The following PRSS36 variants were observed in gnomAD, a reference collection of about 807,000 sequenced individuals.
PRSS36 encodes the protein serine protease 36.
PRSS36 carries 90 observed loss-of-function variants against 94.3 expected under a neutral mutation model. That is an observed-to-expected ratio of 0.95 (90% confidence interval 0.80 to 1.14). The LOEUF (loss-of-function observed/expected upper bound fraction) is 1.14. Among genes scored for constraint, PRSS36 ranks in the 50% most tolerant of loss-of-function variants. The pLI is 0.00. For synonymous variants in PRSS36, 500 were observed against 489.6 expected, an observed-to-expected ratio of 1.02 and a Z score of -0.28; for missense variants, 1,158 against 1,135.0, an observed-to-expected ratio of 1.02 and a Z score of -0.29.
At position 31,148,493 on chromosome 16, in the gene PRSS36, C is replaced by T; in HGVS notation, c.455G>A (p.Gly152Asp). 1 of 1,578,958 alleles carries T rather than the reference C, an allele frequency of 6.3e-7. No individual in the cohort carries two copies. Among genetic ancestry groups the T allele is most frequent in the Non-Finnish European group, 8.6e-7 (1 of 1,167,866 alleles). The change falls in exon 5 of 15, where the codon GGC becomes GAC. Residue 152 changes from glycine (G) to aspartate (D), a missense_variant. Coordinates refer to ENST00000268281, the MANE Select transcript of PRSS36 (RefSeq NM_173502.5). ...CAGGCAGACAGGCCACACGGCGGGG[C>T]CCAGGCTGGCGGGTGAGGCCAGGCG... ...LLRLASPASL[G>D]PAVWPVCLPR... is the part of the protein sequence containing the mutation.
chr16:31,140,207 A>C, intron 14 of PRSS36, 87 bp downstream of exon 14: 2 of 1,427,454 alleles, frequency 1.4e-6, no homozygotes, highest in Non-Finnish European at 1.9e-6. Context: ...AAAAAAAAAA[A>C]AAATTCCAAT....
chr16:31,142,968 G>A lies in PRSS36; in HGVS notation c.1126C>T (p.Arg376Cys), dbSNP rs2057736606. 2.1e-6 allele frequency: 3 copies of A among 1,421,282 alleles called. No homozygotes were observed. Among genetic ancestry groups the A allele is most frequent in the African/African-American group, 3.0e-5 (2 of 66,936 alleles). The allele number at this position is 1,421,282 out of a possible 1,614,324, so 88.0% of individuals were successfully genotyped here. Residue 376 changes from arginine (R) to cysteine (C), a missense_variant, in exon 9 of 15, where the codon CGC (arginine) becomes TGC (cysteine). Physicochemically the swap from Arg to Cys is radical, Grantham distance 180. Coordinates refer to ENST00000268281, the MANE Select transcript of PRSS36 (RefSeq NM_173502.5). ...AGCACGCGCCAGGCGTCGAGGTCGC[G>A]GGGTGGGCTGTCGGAGCTGTTCGGG... is the stretch of plus-strand genomic sequence containing the variant. ...LDPNSSDSPP[R>C]DLDAWRVLLP...
chr16:31,143,048 C>G (rs1316642322), intron 8 of PRSS36, 55 bp from the exon 9 acceptor site: 1 of 1,377,448 alleles, frequency 7.3e-7, no homozygotes, highest in African/African-American at 1.5e-5. Flanking sequence ...TGGCTGGAAA[C>G]CTCACACCCC....
chr16:31,148,998 G>A (rs549932146), intron 4 of PRSS36, 75 bp downstream of exon 4: 22 of 1,405,696 alleles, frequency 1.6e-5, no homozygotes, highest in Non-Finnish European at 1.9e-5. Context: ...GAAGTGGGGC[G>A]GGAGGAGGGG....
At position 31,139,555 on chromosome 16, in the gene PRSS36, C is replaced by T. The variant is rs961074716; in HGVS notation, c.2290-139G>A. The T allele has an allele frequency of 2.1e-5, 22 of 1,036,188 alleles. No individual in the cohort carries two copies. The Admixed American group carries it at 5.8e-4, about 27-fold the overall frequency. 64.2% of individuals were successfully genotyped at this position (1,036,188 alleles called of 1,614,324 possible). A position where few individuals can be genotyped will look rare whatever the true frequency, so the allele number is the denominator to read the frequency against. On this transcript the variant is annotated intron_variant, in intron 14 of 14. Coordinates refer to ENST00000268281, the MANE Select transcript of PRSS36 (RefSeq NM_173502.5). ...TCCCTGGTTTCTCTCCCGGGTCCAG[C>T]TAGGGTCCCATTTGGGGCCAAATAC... is the stretch of plus-strand genomic sequence containing the variant.
chr16:31,141,335 TG>T (rs2057683918), intron 12 of PRSS36, 133 bp downstream of exon 12: 1 of 1,186,576 alleles, frequency 8.4e-7, no homozygotes. Flanking sequence ...TGCTTGAGGC[TG>T]GCCTGGGCAA....
intron 10 of PRSS36, 45 bp downstream of exon 10, chr16:31,142,436 G>A: frequency 7.1e-7 from 1 of 1,411,318 alleles, no homozygotes; most frequent in Non-Finnish European, 9.2e-7. Flanking sequence ...TCTTCCTAGA[G>A]CCCTCTCGGG....
At chr16:31,143,984 G>T in intron 6 of PRSS36, 147 bp from the exon 7 acceptor site, 2 of 1,005,206 alleles carry the variant, frequency 2.0e-6, no homozygotes, top group South Asian at 1.7e-5. Flanking sequence ...ATTCCCTGCG[G>T]CTCTAAACAG....
rs751904070 is a variant in PRSS36 at position 31,139,213 on chromosome 16, TGG to T, written c.2491_2492del (p.Pro831ArgfsTer28). ...GGGATCCCGAGGCCTTGGCCAGTTC[TGG>T]GGGGCAGAGATTGCTGCCTCCAGTG... is the stretch of plus-strand genomic sequence containing the variant. Reference protein sequence around the residue: ...WPTGGSNLCPPELAKASGSPH... With the variant: ...WPTGGSNLCPXELAKASGSPH... On this transcript the variant is annotated frameshift_variant, in exon 15 of 15. Coordinates refer to ENST00000268281, the MANE Select transcript of PRSS36 (RefSeq NM_173502.5). LOFTEE classifies it low-confidence loss of function (END_TRUNC). 24 of 1,613,346 alleles carry T rather than the reference TGG, an allele frequency of 1.5e-5. No homozygotes were observed. The Admixed American group carries it at 2.7e-4, about 18-fold the overall frequency.
intron 10 of PRSS36, 112 bp downstream of exon 10, chr16:31,142,369 G>C (rs533969773): frequency 3.4e-6 from 4 of 1,192,600 alleles, no homozygotes; most frequent in South Asian, 3.9e-5. Context: ...CCCGCCTTCC[G>C]CAGGCCCCGC....
In PRSS36 at chr16:31,140,723, A is replaced by G. The variant is rs542477671; in HGVS notation, c.1936T>C (p.Tyr646His). The G allele has an allele frequency of 6.2e-7, 1 of 1,614,016 alleles. No individual in the cohort carries two copies. Among genetic ancestry groups the G allele is most frequent in the South Asian group, 1.1e-5 (1 of 91,080 alleles). The change falls in exon 13 of 15, where the codon TAT (tyrosine) becomes CAT (histidine). Residue 646 changes from tyrosine to histidine, a missense_variant. Physicochemically the swap from Tyr to His is moderately conservative, Grantham distance 83 (BLOSUM62 2). Transcript: ENST00000268281. ...GSTTVPYIEVYLGRAGASSLP... is the reference protein window; with the variant it reads ...GSTTVPYIEVHLGRAGASSLP... ...GAGCTGGCCCCTGCCCGGCCCAGAT[A>G]CACTTCAATGTAAGGCACTGTTGTA... is the stretch of plus-strand genomic sequence containing the variant.
At chr16:31,143,284 G>C in intron 8 of PRSS36, 58 bp downstream of exon 8, 1 of 1,531,772 alleles carries the variant, frequency 6.5e-7, no homozygotes, top group Non-Finnish European at 8.8e-7. Flanking sequence ...CCGAATGGAT[G>C]GTATCTCAGG....
Position 31,139,062 on chromosome 16 carries a change from C to G in PRSS36, c.*76G>C. The G allele has an allele frequency of 6.8e-7, 1 of 1,477,944 alleles. No homozygotes were observed. Among genetic ancestry groups the G allele is most frequent in the Non-Finnish European group, 9.1e-7 (1 of 1,103,826 alleles). The allele number at this position is 1,477,944 out of a possible 1,614,324, so 91.6% of individuals were successfully genotyped here. ...GTGGGGCCCTTGAGGTTCCAGCCGG[C>G]TGGGCCACATTCCAGCCCCACTGGG... On this transcript the variant is annotated 3_prime_UTR_variant, in exon 15 of 15. Transcript: ENST00000268281.
intron 5 of PRSS36, among the ~76,000 whole-genome samples, chr16:31,147,757 A>G (rs1418087312): frequency 6.6e-6 from 1 of 152,094 alleles, no homozygotes; most frequent in Non-Finnish European, 1.5e-5. Context: ...AGAATGATTG[A>G]ATGAATGATG....
In PRSS36 at chr16:31,142,823, G is replaced by C. The variant is rs767571013; in HGVS notation, c.1271C>G (p.Ala424Gly). 1.4e-5 allele frequency: 21 copies of C among 1,536,858 alleles called. No individual in the cohort carries two copies. The highest frequency in any genetic ancestry group is 1.7e-5 in the Non-Finnish European group (20 of 1,144,470). The change falls in exon 9 of 15, where the codon GCG becomes GGG. Residue 424 changes from alanine (A) to glycine (G), a missense_variant. Coordinates refer to ENST00000268281, the MANE Select transcript of PRSS36 (RefSeq NM_173502.5). ...LQLRTPVNLS[A>G]ASRPVCLPHP... is the part of the protein sequence containing the mutation. ...GGGTAGGCACACGGGCCGCGAAGCC[G>C]CGCTCAGGTTCACGGGCGTGCGCAG...
chr16:31,139,704 A>C (rs1405436237), intron 14 of PRSS36, among the ~76,000 whole-genome samples: 1 of 151,352 alleles, frequency 6.6e-6, no homozygotes, highest in Admixed American at 6.6e-5. Context: ...ACATGGTGAA[A>C]CCCTGTCTCT....
Position 31,149,888 on chromosome 16 carries a change from TC to T in PRSS36, c.37+110del, listed in dbSNP as rs1249353925. 3.9e-6 allele frequency: 6 copies of T among 1,535,554 alleles called. No homozygotes were observed. In the Admixed American group the frequency reaches 1.0e-4, roughly 26 times the overall value. On this transcript the variant is annotated intron_variant, in intron 1 of 14. Transcript: ENST00000268281. ...CATCCTCGCCTTCTGCTGCCTCACTTCCTTCTCTCTGACTTCCTGCTCCCCA... is the reference window on the plus strand; with the variant it reads ...CATCCTCGCCTTCTGCTGCCTCACTTCTTCTCTCTGACTTCCTGCTCCCCA...
At chr16:31,145,097 C>T (rs369981080) in intron 6 of PRSS36, among the ~76,000 whole-genome samples, 19 of 149,540 alleles carry the variant, frequency 1.3e-4, no homozygotes, top group African/African-American at 3.9e-4. Flanking sequence ...CGGCCGGGCG[C>T]GGTGGCTCAC....
intron 5 of PRSS36, among the ~76,000 whole-genome samples, chr16:31,146,611 C>G (rs544790413): frequency 6.6e-6 from 1 of 152,106 alleles, no homozygotes; most frequent in South Asian, 2.1e-4. Context: ...CTGCTTTTGA[C>G]GGAAACAGCT....
Sources: gnomAD v4.1 joint callset for allele counts (sites outside exome capture counted in the v4.1 genomes callset) on GRCh38, gnomAD v4.1.1 for gene constraint, MANE v1.5 for transcripts, NCBI Gene and HGNC (gene_info 2026-07-23, HGNC 2026-07-21) for gene names.